CCDC93: variants seen among roughly 807,000 people sequenced by gnomAD.
CCDC93 encodes the protein coiled-coil domain-containing protein 93.
A neutral mutation model predicts 108.2 loss-of-function variants in CCDC93; 61 were observed. The observed-to-expected ratio is 0.56, with a 90% CI of 0.46 to 0.70. CCDC93 has a LOEUF of 0.70. Ranked by LOEUF, CCDC93 falls within the 30% of genes least tolerant of loss-of-function variation. CCDC93 has a pLI of 0.00. For missense variants in CCDC93, 685 were observed against 764.2 expected (o/e 0.90, Z 1.22); for synonymous variants, 276 against 260.4 (o/e 1.06, Z -0.58).
chr2:117,977,124 G>A lies in CCDC93; in HGVS notation c.657+870C>T, dbSNP rs570477777. On this transcript the variant is annotated intron_variant, in intron 8 of 23. Transcript: ENST00000376300. ...AGAATGTTTTTTTGTATTTTTAGTA[G>A]AGACGGGGTTTCACCGTGTTAGCCA... Among the ~76,000 whole-genome samples, 8 of 151,962 alleles carry A rather than the reference G, an allele frequency of 5.3e-5. No individual in the cohort carries two copies. In the East Asian group the frequency reaches 1.5e-3, roughly 29 times the overall value.
At position 117,947,859 on chromosome 2, in the gene CCDC93, A is replaced by T. The variant is rs557879815; in HGVS notation, c.1224+246T>A. 8.5e-5 allele frequency among the ~76,000 whole-genome samples: 13 copies of T among 152,116 alleles called. No homozygotes were observed. The South Asian group carries it at 2.7e-3, about 32-fold the overall frequency. ...CAGGCGCCAGCCACCACGCCCAGCTAATTTTTTTGTATTTTTAGTAGAGAC... is the reference window on the plus strand; with the variant it reads ...CAGGCGCCAGCCACCACGCCCAGCTTATTTTTTTGTATTTTTAGTAGAGAC... On this transcript the variant is annotated intron_variant, in intron 15 of 23. Coordinates refer to ENST00000376300, the MANE Select transcript of CCDC93 (RefSeq NM_019044.5).
intron 8 of CCDC93, among the ~76,000 whole-genome samples, chr2:117,977,660 TAG>T: frequency 6.6e-6 from 1 of 152,332 alleles, no homozygotes; most frequent in East Asian, 1.9e-4. Flanking sequence ...CACATCTATT[TAG>T]AGTCTCACCT....
At chr2:117,927,248 T>C (rs1321929517) in intron 23 of CCDC93, among the ~76,000 whole-genome samples, 4 of 152,024 alleles carry the variant, frequency 2.6e-5, no homozygotes, top group Admixed American at 2.6e-4. Flanking sequence ...CTATTCAACA[T>C]AGTGTTGGAA....
At chr2:117,954,742 T>C (rs1286481549) in intron 12 of CCDC93, among the ~76,000 whole-genome samples, 1 of 152,178 alleles carries the variant, frequency 6.6e-6, no homozygotes, top group East Asian at 1.9e-4. Context: ...CCAAATCTCA[T>C]CTTGAATTGT....
At chr2:117,967,156 G>T (rs969214572) in intron 11 of CCDC93, among the ~76,000 whole-genome samples, 3 of 152,116 alleles carry the variant, frequency 2.0e-5, no homozygotes, top group African/African-American at 7.2e-5. Flanking sequence ...ACCACACCCA[G>T]CTAATTTTTG....
chr2:117,940,498 T>C (rs72836301), intron 19 of CCDC93, among the ~76,000 whole-genome samples: 1 of 152,112 alleles, frequency 6.6e-6, no homozygotes, highest in Non-Finnish European at 1.5e-5. Flanking sequence ...CCACTCAGAC[T>C]GGGGAGGAAC....
At chr2:117,932,969 T>C (rs1281175375) in intron 22 of CCDC93, among the ~76,000 whole-genome samples, 11 of 152,224 alleles carry the variant, frequency 7.2e-5, no homozygotes, top group African/African-American at 2.7e-4. Context: ...TGACTGATTA[T>C]GTCCTAGTGA....
intron 11 of CCDC93, among the ~76,000 whole-genome samples, chr2:117,959,583 T>C (rs1176490130): frequency 6.6e-6 from 1 of 152,224 alleles, no homozygotes; most frequent in African/African-American, 2.4e-5. Flanking sequence ...GTTAAGGATT[T>C]CTCTGAATAA....
At position 117,951,164 on chromosome 2, in the gene CCDC93, T is replaced by C. The variant is rs1265778263; in HGVS notation, c.1068+1209A>G. 8.1e-6 allele frequency: 8 copies of C among 985,286 alleles called. No individual in the cohort carries two copies. The East Asian group carries it at 7.9e-4, about 98-fold the overall frequency. The allele number at this position is 985,286 out of a possible 1,614,324, so 61.0% of individuals were successfully genotyped here. On this transcript the variant is annotated intron_variant, in intron 13 of 23. Coordinates refer to ENST00000376300, the MANE Select transcript of CCDC93 (RefSeq NM_019044.5). Reference sequence around the variant, plus strand: ...GCCTTTAATCTCTTTCAGATTATTATACAAAGACAGATCCACGAATTGGCA... The same window carrying C: ...GCCTTTAATCTCTTTCAGATTATTACACAAAGACAGATCCACGAATTGGCA...
At chr2:117,982,980 C>T (rs1473614148) in intron 7 of CCDC93, among the ~76,000 whole-genome samples, 2 of 152,170 alleles carry the variant, frequency 1.3e-5, no homozygotes, top group East Asian at 3.8e-4. Flanking sequence ...CCCTAATATG[C>T]TGAATAACTT....
At chr2:118,000,421 T>G (rs896854828) in intron 4 of CCDC93, among the ~76,000 whole-genome samples, 1 of 152,086 alleles carries the variant, frequency 6.6e-6, no homozygotes, top group Admixed American at 6.6e-5. Flanking sequence ...AAAAGCACTG[T>G]GACAGGTGGA....
At chr2:118,001,580 A>G (rs927384864) in intron 3 of CCDC93, among the ~76,000 whole-genome samples, 29 of 100,692 alleles carry the variant, frequency 2.9e-4, no homozygotes, top group African/African-American at 1.2e-3. Flanking sequence ...CTTATAAGGG[A>G]CACCGACCTT....
Position 118,012,046 on chromosome 2 carries a change from A to G in CCDC93, c.42+1908T>C, listed in dbSNP as rs372522665. On this transcript the variant is annotated intron_variant, in intron 1 of 23. Coordinates refer to ENST00000376300, the MANE Select transcript of CCDC93 (RefSeq NM_019044.5). ...TTACACAAAGCCCAATAAACTTTCAATTTCCGTCCACTATAGTTGTTGTAA... is the reference window on the plus strand; with the variant it reads ...TTACACAAAGCCCAATAAACTTTCAGTTTCCGTCCACTATAGTTGTTGTAA... Among the ~76,000 whole-genome samples, 68 of 152,304 alleles carry G rather than the reference A, an allele frequency of 4.5e-4. 1 individual carries two copies. The South Asian group carries it at 0.014, about 31-fold the overall frequency.
At chr2:117,927,660 A>G (rs1357194319) in intron 23 of CCDC93, among the ~76,000 whole-genome samples, 3 of 152,226 alleles carry the variant, frequency 2.0e-5, no homozygotes, top group African/African-American at 7.2e-5. Flanking sequence ...GGAAGAATCA[A>G]TATCGTGAAA....
intron 11 of CCDC93, among the ~76,000 whole-genome samples, chr2:117,970,550 A>C (rs1297718905): frequency 6.6e-6 from 1 of 152,272 alleles, no homozygotes; most frequent in Non-Finnish European, 1.5e-5. Flanking sequence ...AAATACTTGC[A>C]TCACAGTGAC....
chr2:117,990,644 A>G (rs1680448744), intron 6 of CCDC93, among the ~76,000 whole-genome samples: 1 of 152,174 alleles, frequency 6.6e-6, no homozygotes, highest in Non-Finnish European at 1.5e-5. Flanking sequence ...AAAAAAAAAA[A>G]AAACAGAGAT....
chr2:117,993,301 C>T (rs1036591653), intron 6 of CCDC93, among the ~76,000 whole-genome samples: 3 of 150,926 alleles, frequency 2.0e-5, no homozygotes, highest in African/African-American at 7.3e-5. Context: ...GAGGCTGAGG[C>T]AGGAGAATGG....
At chr2:117,973,173 G>C (rs1247033667) in intron 11 of CCDC93, among the ~76,000 whole-genome samples, 3 of 152,178 alleles carry the variant, frequency 2.0e-5, no homozygotes, top group African/African-American at 4.8e-5. Context: ...ATGTCACAGA[G>C]AGTCAGGGCA....
intron 11 of CCDC93, among the ~76,000 whole-genome samples, chr2:117,968,840 G>C (rs954985369): frequency 2.0e-5 from 3 of 152,092 alleles, no homozygotes; most frequent in Admixed American, 6.5e-5. Flanking sequence ...GTTTTTCTCA[G>C]ATACTACCAA....
Sources: gnomAD v4.1 joint callset for allele counts (sites outside exome capture counted in the v4.1 genomes callset) on GRCh38, gnomAD v4.1.1 for gene constraint, MANE v1.5 for transcripts, NCBI Gene and HGNC (gene_info 2026-07-23, HGNC 2026-07-21) for gene names.